The following FER1L6 variants were observed in gnomAD, a reference collection of about 807,000 sequenced individuals.
FER1L6 encodes fer-1-like protein 6.
FER1L6 carries 177 observed loss-of-function variants against 219.2 expected under a neutral mutation model. The observed-to-expected ratio is 0.81, with a 90% confidence interval of 0.71 to 0.91. FER1L6 has a LOEUF of 0.91. Among genes scored for constraint, FER1L6 ranks in the 40% least tolerant of loss-of-function variants. FER1L6 has a pLI of 0.00. For synonymous variants in FER1L6, 768 were observed against 824.3 expected (o/e 0.93, Z 1.17); for missense variants, 2,153 against 2,259.9 (o/e 0.95, Z 0.96).
chr8:123,905,446 T>C (rs1812934377), intron 1 of FER1L6, among the ~76,000 whole-genome samples: 1 of 152,220 alleles, frequency 6.6e-6, no homozygotes, highest in Non-Finnish European at 1.5e-5. Context: ...TCCCATGGTG[T>C]ATATGTACCA....
At chr8:123,942,050 T>C (rs1467710708) in intron 1 of FER1L6, among the ~76,000 whole-genome samples, 2 of 152,202 alleles carry the variant, frequency 1.3e-5, no homozygotes, top group Non-Finnish European at 2.9e-5. Flanking sequence ...CCACTCTGTC[T>C]GTGAACCCCT....
At chr8:123,935,128 TAA>T (rs1813933920) in intron 1 of FER1L6, among the ~76,000 whole-genome samples, 1 of 152,210 alleles carries the variant, frequency 6.6e-6, no homozygotes, top group East Asian at 1.9e-4. Flanking sequence ...AATGGTGACT[TAA>T]GTTTTTTTCT....
intron 1 of FER1L6, among the ~76,000 whole-genome samples, chr8:123,940,181 T>A (rs1295263401): frequency 6.6e-6 from 1 of 152,150 alleles, no homozygotes; most frequent in Non-Finnish European, 1.5e-5. Flanking sequence ...GTAGGTGGGA[T>A]AACAATTGTA....
intron 32 of FER1L6, among the ~76,000 whole-genome samples, chr8:124,081,665 A>C (rs954541603): frequency 6.6e-6 from 1 of 150,764 alleles, no homozygotes; most frequent in Non-Finnish European, 1.5e-5. Context: ...AGTCTTGTAG[A>C]GACAACGCTT....
chr8:123,918,921 C>T lies in FER1L6; in HGVS notation c.-7-37071C>T, dbSNP rs559236380. Among the ~76,000 whole-genome samples, 7 of 152,198 alleles carry T rather than the reference C, an allele frequency of 4.6e-5. No individual in the cohort carries two copies. In the South Asian group the frequency reaches 6.2e-4, roughly 14 times the overall value. ...GCGTGGGGTATGGAGGAAAACACAC[C>T]GGCCCCTGGCATCCAAGGGCTCTCA... On this transcript the variant is annotated intron_variant, in intron 1 of 40. Transcript: ENST00000522917.
chr8:123,881,937 T>C (rs1288480415), intron 1 of FER1L6, among the ~76,000 whole-genome samples: 1 of 152,228 alleles, frequency 6.6e-6, no homozygotes, highest in African/African-American at 2.4e-5. Flanking sequence ...AATCCACCAT[T>C]TCTTTCACTT....
chr8:123,926,097 C>T (rs1057508091), intron 1 of FER1L6, among the ~76,000 whole-genome samples: 1 of 152,136 alleles, frequency 6.6e-6, no homozygotes, highest in Non-Finnish European at 1.5e-5. Context: ...TAAAAAAATG[C>T]AGTGTAAATT....
At position 124,067,794 on chromosome 8, in the gene FER1L6, A is replaced by G. The variant is rs202247665; in HGVS notation, c.3706A>G (p.Lys1236Glu). 251 of 1,612,752 alleles carry G rather than the reference A, an allele frequency of 1.6e-4. 1 individual carries two copies. The African/African-American group carries it at 2.4e-3, about 15-fold the overall frequency. Residue 1236 changes from lysine to glutamate, a missense_variant, in exon 28 of 41, where the codon AAA (lysine) becomes GAA (glutamate). Coordinates refer to ENST00000522917, the MANE Select transcript of FER1L6 (RefSeq NM_001039112.2). ...AAAGGAGAGAAATCCCAAGGGAAAA[A>G]AAGGCAATACAGGTAAGCAGTTATT... is the stretch of plus-strand genomic sequence containing the variant. ...KAKERNPKGK[K>E]GNTEAKPDEV...
intron 1 of FER1L6, chr8:123,939,219 A>T (rs1371065656): frequency 2.0e-6 from 2 of 983,062 alleles, no homozygotes; most frequent in African/African-American, 1.7e-5. Context: ...CATCTTGTCC[A>T]TTCAGTTTGG....
rs749418778 is a variant in FER1L6 at position 123,975,997 on chromosome 8, C to G, written c.783C>G (p.Ser261Arg). ...KAEGLPKMNS[S>R]IMANVTKAFV... ...AAGGGTTGCCCAAAATGAATTCAAG[C>G]ATCATGGCGAACGTCACCAAGGCAT... Residue 261 changes from serine (S) to arginine (R), a missense_variant, in exon 9 of 41, where the codon AGC (serine) becomes AGG (arginine). By Grantham distance (110) the Ser-to-Arg change is moderately radical. Transcript: ENST00000522917. 3.1e-6 allele frequency: 5 copies of G among 1,613,938 alleles called. No individual in the cohort carries two copies. The Admixed American group carries it at 8.3e-5, about 27-fold the overall frequency.
chr8:123,969,206 T>A (rs1224470540), intron 5 of FER1L6, among the ~76,000 whole-genome samples: 1 of 152,212 alleles, frequency 6.6e-6, no homozygotes, highest in Non-Finnish European at 1.5e-5. Flanking sequence ...CAGTCTTATC[T>A]GTAAAACATG....
intron 10 of FER1L6, among the ~76,000 whole-genome samples, chr8:123,978,254 C>A (rs1474794579): frequency 6.6e-6 from 1 of 152,110 alleles, no homozygotes; most frequent in East Asian, 1.9e-4. Context: ...CCAAATATGG[C>A]CTACTACATA....
chr8:123,904,806 A>T (rs1812922434), intron 1 of FER1L6, among the ~76,000 whole-genome samples: 1 of 152,228 alleles, frequency 6.6e-6, no homozygotes. Context: ...AACAAGAAAG[A>T]AATGGCACAG....
chr8:123,907,449 T>C lies in FER1L6; in HGVS notation c.-7-48543T>C, dbSNP rs187673566. On this transcript the variant is annotated intron_variant, in intron 1 of 40. Coordinates refer to ENST00000522917, the MANE Select transcript of FER1L6 (RefSeq NM_001039112.2). Reference sequence around the variant, plus strand: ...CACCTAGTTGTGGTCCAGTATCTGATGGGGCAACCCTGACTTTCACTGTGT... The same window carrying C: ...CACCTAGTTGTGGTCCAGTATCTGACGGGGCAACCCTGACTTTCACTGTGT... Among the ~76,000 whole-genome samples the C allele has an allele frequency of 3.3e-4, 50 of 152,188 alleles. No homozygotes were observed. The East Asian group carries it at 8.6e-3, about 26-fold the overall frequency.
intron 39 of FER1L6, among the ~76,000 whole-genome samples, chr8:124,114,541 G>A (rs909777648): frequency 3.3e-5 from 5 of 151,862 alleles, no homozygotes; most frequent in African/African-American, 4.8e-5. Context: ...GCTGACTCCA[G>A]GTCTAGGGCA....
At chr8:123,994,728 T>G (rs1024009637) in intron 12 of FER1L6, among the ~76,000 whole-genome samples, 2 of 152,190 alleles carry the variant, frequency 1.3e-5, no homozygotes, top group Admixed American at 1.3e-4. Context: ...CAAGGGAGTT[T>G]GTCCCCACTT....
Position 123,963,300 on chromosome 8 carries a change from A to C in FER1L6, c.99A>C (p.Ala33=). The part of the protein sequence containing the change: ...AAKDSQGDTE[A]LQEEPSHQEG... ...CAGATAGTCAAGGTGACACTGAAGC[A>C]CTGCAGGAGGAGCCTTCTCACCAGG... is the stretch of plus-strand genomic sequence containing the variant. Residue 33 remains alanine (A), a synonymous_variant, in exon 3 of 41, where the codon GCA becomes GCC. Transcript: ENST00000522917. 6.2e-7 allele frequency: 1 copy of C among 1,614,122 alleles called. No homozygotes were observed. The highest frequency in any genetic ancestry group is 8.5e-7 in the Non-Finnish European group (1 of 1,179,948).
rs909737246 is a variant in FER1L6, at chr8:123,956,196, C to A, written c.76+122C>A. On this transcript the variant is annotated intron_variant, in intron 2 of 40. Transcript: ENST00000522917. ...AGGGGGAGTGTGAATGTGCTGCCCCCGACCCTTTAGGTCCTTCTAGTCACA... is the reference window on the plus strand; with the variant it reads ...AGGGGGAGTGTGAATGTGCTGCCCCAGACCCTTTAGGTCCTTCTAGTCACA... The A allele has an allele frequency of 1.4e-5, 13 of 909,256 alleles. No homozygotes were observed. The African/African-American group carries it at 2.0e-4, about 14-fold the overall frequency. The allele number at this position is 909,256 out of a possible 1,614,324, so 56.3% of individuals were successfully genotyped here.
chr8:123,944,930 A>G (rs774328802), intron 1 of FER1L6, among the ~76,000 whole-genome samples: 20 of 152,038 alleles, frequency 1.3e-4, no homozygotes, highest in Non-Finnish European at 2.6e-4. Context: ...ATCTCTCTAT[A>G]AGTTGAGCTT....
Sources: allele counts gnomAD v4.1 joint callset (sites outside exome capture counted in the v4.1 genomes callset), GRCh38; gene constraint gnomAD v4.1.1; transcripts MANE v1.5; gene names NCBI Gene and HGNC (gene_info 2026-07-23, HGNC 2026-07-21).